The following CACNB4 variants were observed in gnomAD, a reference collection of about 807,000 sequenced individuals.
CACNB4 encodes the protein calcium voltage-gated channel auxiliary subunit beta 4, also known as voltage-dependent L-type calcium channel subunit beta-4.
A neutral mutation model predicts 71.2 loss-of-function variants in CACNB4; 32 were observed. That is an observed-to-expected ratio of 0.45 (90% CI 0.34 to 0.60). The LOEUF is 0.60. CACNB4 is among the 20% of genes least tolerant of loss of function. The pLI is 0.01. For synonymous variants in CACNB4, 231 were observed against 236.9 expected, an observed-to-expected ratio of 0.97 and a Z score of 0.23; for missense variants, 464 against 647.9, an observed-to-expected ratio of 0.72 and a Z score of 3.08.
chr2:151,866,355 T>C (rs1156686484), intron 9 of CACNB4: 1 of 152,206 alleles, frequency 6.6e-6, no homozygotes, highest in Non-Finnish European at 1.5e-5. Context: ...TAATAGGACT[T>C]TCTCCTATTT....
intron 2 of CACNB4, among the ~76,000 whole-genome samples, chr2:151,949,202 A>C (rs2099866299): frequency 1.3e-5 from 2 of 151,372 alleles, no homozygotes; most frequent in Admixed American, 1.3e-4. Flanking sequence ...TAGGTAACAA[A>C]AAAAAAAAAG....
chr2:151,895,161 C>A (rs966422284), intron 2 of CACNB4, among the ~76,000 whole-genome samples: 12 of 147,546 alleles, frequency 8.1e-5, no homozygotes, highest in Non-Finnish European at 3.0e-5. Flanking sequence ...CTGAGCAAAA[C>A]GAACAAAGCT....
chr2:152,082,396 CAA>C (rs1289270136), intron 2 of CACNB4, among the ~76,000 whole-genome samples: 2 of 152,198 alleles, frequency 1.3e-5, no homozygotes, highest in African/African-American at 4.8e-5. Flanking sequence ...GCCAAAGCTG[CAA>C]AATACAGTCA....
chr2:151,941,176 T>C (rs1277612341), intron 2 of CACNB4, among the ~76,000 whole-genome samples: 3 of 152,168 alleles, frequency 2.0e-5, no homozygotes, highest in African/African-American at 7.2e-5. Flanking sequence ...CATCAGGTAA[T>C]TGTTAGCAAA....
In CACNB4 at chr2:151,957,666, C is replaced by T. The variant is rs184409781; in HGVS notation, c.148-74296G>A. 1.2e-3 allele frequency among the ~76,000 whole-genome samples: 181 copies of T among 152,208 alleles called. 1 individual carries two copies. Among genetic ancestry groups the T allele is most frequent in the Non-Finnish European group, 1.7e-3 (115 of 68,002 alleles). ...ATTTACATGAAAGTGATTTGGGGAG[C>T]GTTTGCCAAAAATATGAATCCTAAG... On this transcript the variant is annotated intron_variant, in intron 2 of 13. Coordinates refer to ENST00000539935, the MANE Select transcript of CACNB4 (RefSeq NM_000726.5).
intron 2 of CACNB4, among the ~76,000 whole-genome samples, chr2:151,929,748 G>A (rs771118295): frequency 2.6e-5 from 4 of 152,006 alleles, no homozygotes; most frequent in Non-Finnish European, 5.9e-5. Flanking sequence ...TAACCTGACA[G>A]AGGACAAAGA....
At position 151,935,205 on chromosome 2, in the gene CACNB4, A is replaced by G. The variant is rs559372236; in HGVS notation, c.148-51835T>C. ...CTTCAAACAAGGCTTTCTTGTGCAG[A>G]TGGAAGGAAGCTTCTTAAACTGAAG... On this transcript the variant is annotated intron_variant, in intron 2 of 13. Transcript: ENST00000539935. Among the ~76,000 whole-genome samples the G allele has an allele frequency of 2.6e-5, 4 of 152,352 alleles. No homozygotes were observed. In the East Asian group the frequency reaches 7.7e-4, roughly 29 times the overall value.
chr2:151,948,421 A>G (rs937099051), intron 2 of CACNB4, among the ~76,000 whole-genome samples: 1 of 152,192 alleles, frequency 6.6e-6, no homozygotes, highest in Non-Finnish European at 1.5e-5. Context: ...AACACTTTGG[A>G]GGCCAAGGAG....
chr2:152,008,791 G>T (rs1337414275), intron 2 of CACNB4, among the ~76,000 whole-genome samples: 1 of 152,142 alleles, frequency 6.6e-6, no homozygotes, highest in Non-Finnish European at 1.5e-5. Context: ...GCAGCGGGGA[G>T]CTTGTTGGGA....
At chr2:151,904,560 G>A (rs1391137619) in intron 2 of CACNB4, among the ~76,000 whole-genome samples, 3 of 148,458 alleles carry the variant, frequency 2.0e-5, no homozygotes, top group African/African-American at 5.0e-5. Context: ...TTTTTGAGAC[G>A]GAGTCTCACT....
chr2:152,060,617 T>C (rs1429189040), intron 2 of CACNB4, among the ~76,000 whole-genome samples: 1 of 152,160 alleles, frequency 6.6e-6, no homozygotes, highest in African/African-American at 2.4e-5. Context: ...AGAAAACAAC[T>C]GCCCAGGAAC....
chr2:151,850,664 G>A (rs908945132), intron 12 of CACNB4: 13 of 152,134 alleles, frequency 8.5e-5, no homozygotes, highest in Non-Finnish European at 1.3e-4. Context: ...ATGCTCAATG[G>A]AAAAGCAGAT....
intron 2 of CACNB4, among the ~76,000 whole-genome samples, chr2:152,058,840 A>T (rs1263607272): frequency 1.3e-5 from 2 of 152,352 alleles, no homozygotes; most frequent in African/African-American, 4.8e-5. Context: ...CCAGAGGCCT[A>T]GGAGGGAAAA....
chr2:152,079,689 A>C (rs1195069702), intron 2 of CACNB4, among the ~76,000 whole-genome samples: 1 of 152,094 alleles, frequency 6.6e-6, no homozygotes, highest in African/African-American at 2.4e-5. Context: ...TGGAAACCAA[A>C]GTGGAAGGAT....
chr2:151,909,144 G>A (rs1419331647), intron 2 of CACNB4, among the ~76,000 whole-genome samples: 2 of 147,990 alleles, frequency 1.4e-5, no homozygotes, highest in African/African-American at 2.5e-5. Flanking sequence ...AAAAAAGAGG[G>A]GGCTGGTGGG....
chr2:152,004,089 G>A (rs1345727578), intron 2 of CACNB4, among the ~76,000 whole-genome samples: 3 of 152,174 alleles, frequency 2.0e-5, no homozygotes, highest in East Asian at 1.9e-4. Flanking sequence ...AAAAGCGCTG[G>A]GACTATAGGC....
At chr2:151,927,197 A>G (rs1250868247) in intron 2 of CACNB4, among the ~76,000 whole-genome samples, 1 of 152,210 alleles carries the variant, frequency 6.6e-6, no homozygotes, top group Non-Finnish European at 1.5e-5. Context: ...ATTTTCTAAC[A>G]TGGGAGAAAT....
chr2:152,057,148 A>G (rs924596466), intron 2 of CACNB4, among the ~76,000 whole-genome samples: 2 of 152,212 alleles, frequency 1.3e-5, no homozygotes, highest in Non-Finnish European at 2.9e-5. Context: ...ATTAATAGTA[A>G]GGAACTTAGG....
chr2:152,086,290 C>T (rs1687658085), intron 2 of CACNB4, among the ~76,000 whole-genome samples: 2 of 152,172 alleles, frequency 1.3e-5, no homozygotes, highest in Admixed American at 6.6e-5. Flanking sequence ...AGAGCCTTCC[C>T]TATCAGAGTC....
Sources: gnomAD v4.1 joint callset for allele counts (sites outside exome capture counted in the v4.1 genomes callset) on GRCh38, gnomAD v4.1.1 for gene constraint, MANE v1.5 for transcripts, NCBI Gene and HGNC (gene_info 2026-07-23, HGNC 2026-07-21) for gene names.